TBL1XR1: variants seen among roughly 807,000 people sequenced by gnomAD.
TBL1XR1 encodes F-box-like/WD repeat-containing protein TBL1XR1.
TBL1XR1 carries 5 observed loss-of-function variants against 66.9 expected under a neutral mutation model. That is an observed-to-expected ratio of 0.07 (90% confidence interval 0.04 to 0.16). The LOEUF (loss-of-function observed/expected upper bound fraction) is 0.16, where lower values mean the gene tolerates loss of function less well. TBL1XR1 is among the 10% of genes least tolerant of loss of function. The pLI is 1.00. For missense variants in TBL1XR1, 238 were observed against 623.2 expected, an observed-to-expected ratio of 0.38 and a Z score of 6.58; for synonymous variants, 210 against 206.0, an observed-to-expected ratio of 1.02 and a Z score of -0.17.
In TBL1XR1 at chr3:177,130,465, A is replaced by G. The variant is rs1728166834; in HGVS notation, c.-121-31924T>C. The stretch of plus-strand genomic sequence containing the variant: ...GACAGTTAGGCAATAAAAGCAGTGC[A>G]TATAATATTCTACAACGTTTTTGGG... On this transcript the variant is annotated intron_variant, in intron 1 of 15. Transcript: ENST00000457928. Among the ~76,000 whole-genome samples the G allele has an allele frequency of 2.0e-5, 3 of 152,218 alleles. No homozygotes were observed. In the South Asian group the frequency reaches 6.2e-4, roughly 32 times the overall value.
intron 1 of TBL1XR1, among the ~76,000 whole-genome samples, chr3:177,152,903 C>A (rs770724723): frequency 9.9e-5 from 15 of 152,084 alleles, no homozygotes; most frequent in Non-Finnish European, 1.8e-4. Context: ...CCCAACAGAA[C>A]CACACTGTTT....
At chr3:177,144,921 A>G (rs1429286337) in intron 1 of TBL1XR1, among the ~76,000 whole-genome samples, 1 of 152,226 alleles carries the variant, frequency 6.6e-6, no homozygotes, top group Non-Finnish European at 1.5e-5. Context: ...CAATTATTTT[A>G]AATTATGGAA....
intron 9 of TBL1XR1, among the ~76,000 whole-genome samples, chr3:177,046,794 AATT>A (rs765679747): frequency 4.7e-4 from 71 of 152,112 alleles, no homozygotes; most frequent in Admixed American, 2.1e-3. Flanking sequence ...CACCACACTC[AATT>A]ATTAGCATGC....
chr3:177,135,886 A>G (rs1408847798), intron 1 of TBL1XR1, among the ~76,000 whole-genome samples: 2 of 151,736 alleles, frequency 1.3e-5, no homozygotes, highest in African/African-American at 4.8e-5. Context: ...GGTTAATCCC[A>G]GAGGGCTGGA....
intron 1 of TBL1XR1, among the ~76,000 whole-genome samples, chr3:177,107,325 A>G (rs1428582663): frequency 6.6e-6 from 1 of 151,772 alleles, no homozygotes; most frequent in Non-Finnish European, 1.5e-5. Flanking sequence ...TTCACGTGAA[A>G]AAAAGTTTTC....
chr3:177,049,986 G>A lies in TBL1XR1; in HGVS notation c.702+11C>T. 2 of 1,612,490 alleles carry A rather than the reference G, an allele frequency of 1.2e-6. No individual in the cohort carries two copies. Among genetic ancestry groups the A allele is most frequent in the Non-Finnish European group, 8.5e-7 (1 of 1,179,224 alleles). Reference sequence around the variant, plus strand: ...AGTAATTATATCCATCATGGATATAGTGATACTCACATTCCAATCTAGAGA... The same window carrying A: ...AGTAATTATATCCATCATGGATATAATGATACTCACATTCCAATCTAGAGA... On this transcript the variant is annotated intron_variant, in intron 7 of 15. Transcript: ENST00000457928.
chr3:177,033,089 A>G lies in TBL1XR1; in HGVS notation c.1298T>C (p.Ile433Thr). The G allele has an allele frequency of 6.2e-7, 1 of 1,604,950 alleles. No homozygotes were observed. The highest frequency in any genetic ancestry group is 8.5e-7 in the Non-Finnish European group (1 of 1,174,354). Residue 433 changes from isoleucine to threonine, a missense_variant, in exon 14 of 16, where the codon ATA (isoleucine) becomes ACA (threonine). Ile to Thr is a moderately conservative substitution (Grantham distance 89). Around this residue, in one of 8 missense-constraint regions of TBL1XR1, gnomAD observed 89 missense variants for 220.2 expected, o/e 0.40. Coordinates refer to ENST00000457928, the MANE Select transcript of TBL1XR1 (RefSeq NM_024665.7). ...TVRLWDVDRG[I>T]CIHTLTKHQE... ...GTGTTTTGTCAAGGTATGGATGCAT[A>G]TCCCTCGGTCTACATCCCATAACCT...
chr3:177,143,497 T>A (rs1729872712), intron 1 of TBL1XR1, among the ~76,000 whole-genome samples: 1 of 152,198 alleles, frequency 6.6e-6, no homozygotes, highest in Non-Finnish European at 1.5e-5. Flanking sequence ...GAAGTGATGA[T>A]GGGGCAGGGG....
At chr3:177,149,010 AAAGAAAAG>A (rs1730571553) in intron 1 of TBL1XR1, among the ~76,000 whole-genome samples, 2 of 57,118 alleles carry the variant, frequency 3.5e-5, no homozygotes, top group Non-Finnish European at 9.1e-5. Flanking sequence ...CCTCAAAAAA[AAAGAAAAG>A]AAAAGAAAAG....
intron 2 of TBL1XR1, among the ~76,000 whole-genome samples, chr3:177,088,768 C>G (rs149649593): frequency 4.6e-5 from 7 of 152,078 alleles, no homozygotes; most frequent in African/African-American, 1.7e-4. Flanking sequence ...ATGTAACCCT[C>G]TTACTGTTGA....
At chr3:177,061,991 C>A (rs1373343583) in intron 3 of TBL1XR1, among the ~76,000 whole-genome samples, 1 of 152,158 alleles carries the variant, frequency 6.6e-6, no homozygotes, top group Admixed American at 6.5e-5. Context: ...ATTCTGAGTT[C>A]TATCTGAACC....
intron 2 of TBL1XR1, among the ~76,000 whole-genome samples, chr3:177,096,144 G>A (rs1406912235): frequency 6.6e-6 from 1 of 152,086 alleles, no homozygotes; most frequent in Non-Finnish European, 1.5e-5. Flanking sequence ...CACAGCACAG[G>A]TTCAACCCAG....
rs185231767 is a variant in TBL1XR1, at chr3:177,026,888, A to T, written c.1417-414T>A. 6.7e-3 allele frequency: 1,058 copies of T among 157,450 alleles called. 8 individuals carry two copies. Among genetic ancestry groups the T allele is most frequent in the Non-Finnish European group, 0.011 (769 of 71,820 alleles). 9.8% of individuals were successfully genotyped at this position (157,450 alleles called of 1,614,324 possible). A position where few individuals can be genotyped will look rare whatever the true frequency, so the allele number is the denominator to read the frequency against. On this transcript the variant is annotated intron_variant, in intron 14 of 15. Transcript: ENST00000457928. ...TCTTTGACAAAACATCTTAAAGAGG[A>T]AGTATAACAAACTAGTAAAGATAAT...
At chr3:177,199,857 G>T (rs1737307223), upstream of TBL1XR1, among the ~76,000 whole-genome samples, 1 of 152,168 alleles carries the variant, frequency 6.6e-6, no homozygotes, top group African/African-American at 2.4e-5. Context: ...GTGCGTAAAT[G>T]ACTGCATTTA....
chr3:177,147,747 T>C (rs1730426773), intron 1 of TBL1XR1, among the ~76,000 whole-genome samples: 1 of 152,212 alleles, frequency 6.6e-6, no homozygotes, highest in South Asian at 2.1e-4. Context: ...CTTCTACTCA[T>C]CTTCCAGTGG....
chr3:177,173,432 G>A (rs532625493), intron 1 of TBL1XR1, among the ~76,000 whole-genome samples: 2 of 152,270 alleles, frequency 1.3e-5, no homozygotes, highest in South Asian at 2.1e-4. Flanking sequence ...ACATCACCAA[G>A]ATTAAAATAT....
chr3:177,103,386 C>T (rs944058474), intron 1 of TBL1XR1, among the ~76,000 whole-genome samples: 4 of 152,130 alleles, frequency 2.6e-5, no homozygotes, highest in Non-Finnish European at 5.9e-5. Context: ...TGTCTCCAAA[C>T]AAAAAGCTTT....
At chr3:177,054,050 G>A (rs960570435) in intron 3 of TBL1XR1, 132 bp from the exon 4 acceptor site, 95 of 300,980 alleles carry the variant, frequency 3.2e-4, no homozygotes, top group Admixed American at 1.2e-3. Flanking sequence ...AAGGTCGTGT[G>A]TGTGTGTGTG....
intron 1 of TBL1XR1, among the ~76,000 whole-genome samples, chr3:177,136,786 A>C (rs1729046765): frequency 6.6e-6 from 1 of 152,238 alleles, no homozygotes; most frequent in African/African-American, 2.4e-5. Flanking sequence ...CGAAGAAGAA[A>C]AAATGAACTG....
Sources: allele counts gnomAD v4.1 joint callset (sites outside exome capture counted in the v4.1 genomes callset), GRCh38; gene constraint gnomAD v4.1.1; regional missense constraint gnomAD v4.1.1; transcripts MANE v1.5; gene names NCBI Gene and HGNC (gene_info 2026-07-23, HGNC 2026-07-21).